Variants in CAMSAP2 observed in about 807,000 individuals in gnomAD.
CAMSAP2 encodes the protein calmodulin-regulated spectrin-associated protein 2.
CAMSAP2 carries 26 observed loss-of-function variants against 146.1 expected under a neutral mutation model. The ratio of observed to expected loss-of-function variants is 0.18; its 90% CI spans 0.13 to 0.25. The LOEUF is 0.25. CAMSAP2 is among the 10% of genes least tolerant of loss of function. The pLI, the probability that CAMSAP2 is intolerant of heterozygous loss-of-function variation, is 1.00. For missense variants in CAMSAP2, 1,381 were observed against 1,759.3 expected, an observed-to-expected ratio of 0.78 and a Z score of 3.85; for synonymous variants, 499 against 596.6, an observed-to-expected ratio of 0.84 and a Z score of 2.38.
intron 1 of CAMSAP2, among the ~76,000 whole-genome samples, chr1:200,756,927 C>T (rs1051125141): frequency 2.6e-5 from 4 of 152,100 alleles, no homozygotes; most frequent in Admixed American, 6.5e-5. Flanking sequence ...GTATTCATAT[C>T]GGTACACCCT....
intron 1 of CAMSAP2, among the ~76,000 whole-genome samples, chr1:200,741,581 A>C (rs183753800): frequency 5.9e-5 from 9 of 152,368 alleles, no homozygotes; most frequent in Non-Finnish European, 1.3e-4. Flanking sequence ...AAAGGGAATA[A>C]GAGAAATATT....
intron 4 of CAMSAP2, among the ~76,000 whole-genome samples, chr1:200,818,688 G>A (rs1266192722): frequency 6.6e-6 from 1 of 152,122 alleles, no homozygotes; most frequent in East Asian, 1.9e-4. Flanking sequence ...ACCTAACAAT[G>A]GGATTTTTGG....
At chr1:200,850,289 G>A in intron 11 of CAMSAP2, 55 bp downstream of exon 11, 1 of 1,441,672 alleles carries the variant, frequency 6.9e-7, no homozygotes, top group Non-Finnish European at 9.2e-7. Context: ...GTGTGGTTGT[G>A]TTGGATATTT....
At chr1:200,803,557 G>A (rs978637755) in intron 2 of CAMSAP2, among the ~76,000 whole-genome samples, 2 of 151,460 alleles carry the variant, frequency 1.3e-5, no homozygotes, top group Non-Finnish European at 2.9e-5. Flanking sequence ...AATCCATTGT[G>A]TATATACTTT....
At chr1:200,847,830 A>C (rs941939727) in intron 10 of CAMSAP2, 121 bp downstream of exon 10, 143 of 986,060 alleles carry the variant, frequency 1.5e-4, no homozygotes, top group Non-Finnish European at 1.8e-4. Context: ...AAATTTGAAA[A>C]AGGCAGTATA....
intron 2 of CAMSAP2, among the ~76,000 whole-genome samples, chr1:200,799,791 CTT>C (rs1571767872): frequency 6.6e-6 from 1 of 152,148 alleles, no homozygotes; most frequent in East Asian, 1.9e-4. Flanking sequence ...ATCTTTCCTG[CTT>C]TCTCTTGTGG....
rs199622457 is a variant in CAMSAP2, at chr1:200,817,177, TACAC to T, written c.645+1543_645+1546del. On this transcript the variant is annotated intron_variant, in intron 4 of 16. Transcript: ENST00000358823. ...ACACATACACACACGTGTGTGTATA[TACAC>T]ACACACACATGTGTGTGTGTATACA... Among the ~76,000 whole-genome samples the T allele has an allele frequency of 1.9e-3, 102 of 54,196 alleles. 1 individual carries two copies. The highest frequency in any genetic ancestry group is 4.8e-3 in the Admixed American group (24 of 4,960). The allele number at this position is 54,196 out of a possible 152,430, so 35.6% of individuals were successfully genotyped here.
chr1:200,812,755 G>A (rs1391905677), intron 3 of CAMSAP2, among the ~76,000 whole-genome samples: 1 of 152,138 alleles, frequency 6.6e-6, no homozygotes, highest in Non-Finnish European at 1.5e-5. Flanking sequence ...AGATTATATT[G>A]AATGATTGAA....
intron 4 of CAMSAP2, among the ~76,000 whole-genome samples, chr1:200,817,239 CATACACACATAT>C (rs1666617878): frequency 2.9e-5 from 4 of 138,802 alleles, no homozygotes; most frequent in Admixed American, 2.8e-4. Flanking sequence ...TATATACACA[CATACACACATAT>C]GTGTGTGTAT....
intron 1 of CAMSAP2, among the ~76,000 whole-genome samples, chr1:200,749,434 A>G (rs916228262): frequency 3.0e-5 from 4 of 133,792 alleles, no homozygotes; most frequent in African/African-American, 1.2e-4. Context: ...TCATGTGTTC[A>G]TTGACTCTTG....
intron 2 of CAMSAP2, among the ~76,000 whole-genome samples, chr1:200,769,756 G>T (rs139558516): frequency 3.9e-5 from 6 of 152,338 alleles, no homozygotes; most frequent in African/African-American, 1.4e-4. Context: ...ACCTCACTGT[G>T]CTTAGCTGTC....
intron 11 of CAMSAP2, among the ~76,000 whole-genome samples, chr1:200,851,941 C>G (rs1667629144): frequency 6.6e-6 from 1 of 152,142 alleles, no homozygotes; most frequent in South Asian, 2.1e-4. Context: ...CTAGGGCAGG[C>G]CCAGGAGGCC....
At chr1:200,785,644 C>T (rs567320549) in intron 2 of CAMSAP2, among the ~76,000 whole-genome samples, 1 of 152,188 alleles carries the variant, frequency 6.6e-6, no homozygotes, top group African/African-American at 2.4e-5. Context: ...TCTGCCTTGG[C>T]CTCCCAAAGT....
At chr1:200,816,158 G>C (rs891367609) in intron 4 of CAMSAP2, among the ~76,000 whole-genome samples, 10 of 152,088 alleles carry the variant, frequency 6.6e-5, no homozygotes, top group African/African-American at 2.4e-4. Context: ...GCTGGGCATA[G>C]TGGCGTGTAC....
At chr1:200,765,043 G>C (rs1292930201) in intron 2 of CAMSAP2, among the ~76,000 whole-genome samples, 1 of 152,058 alleles carries the variant, frequency 6.6e-6, no homozygotes, top group Non-Finnish European at 1.5e-5. Context: ...GAAGGAGATT[G>C]CAGTCAGCCA....
intron 1 of CAMSAP2, among the ~76,000 whole-genome samples, 170 bp downstream of exon 1, chr1:200,740,136 T>C (rs1181823626): frequency 6.6e-6 from 1 of 152,102 alleles, no homozygotes; most frequent in Non-Finnish European, 1.5e-5. Context: ...GAAAGCAGGT[T>C]TGGTCTTCAA....
intron 6 of CAMSAP2, among the ~76,000 whole-genome samples, chr1:200,833,528 C>T (rs928192129): frequency 6.6e-6 from 1 of 151,816 alleles, no homozygotes; most frequent in African/African-American, 2.4e-5. Context: ...CCACTGCACC[C>T]TAGCCTGGGC....
intron 1 of CAMSAP2, among the ~76,000 whole-genome samples, chr1:200,759,938 C>T (rs982706625): frequency 5.3e-5 from 8 of 152,140 alleles, no homozygotes; most frequent in East Asian, 1.9e-4. Context: ...TTGTTTCTCT[C>T]GTTTGTTTTG....
chr1:200,807,077 A>T (rs927664956), intron 2 of CAMSAP2, among the ~76,000 whole-genome samples: 2 of 152,190 alleles, frequency 1.3e-5, no homozygotes, highest in African/African-American at 4.8e-5. Flanking sequence ...TCGGTAAGTT[A>T]TATTGCTGAG....
Sources: gnomAD v4.1 joint callset for allele counts (sites outside exome capture counted in the v4.1 genomes callset) on GRCh38, gnomAD v4.1.1 for gene constraint, MANE v1.5 for transcripts, NCBI Gene and HGNC (gene_info 2026-07-23, HGNC 2026-07-21) for gene names.